The following DUSP11 variants were observed in gnomAD, a reference collection of about 807,000 sequenced individuals.
DUSP11 encodes dual specificity phosphatase 11.
Under a neutral mutation model 41.4 loss-of-function variants are expected in DUSP11, and 27 were observed. That is an observed-to-expected ratio of 0.65 (90% CI 0.48 to 0.90). DUSP11 has a LOEUF of 0.90. Ranked by LOEUF, DUSP11 falls within the 40% of genes least tolerant of loss-of-function variation. The pLI, the probability that DUSP11 is intolerant of heterozygous loss-of-function variation, is 0.00. For missense variants in DUSP11, 465 were observed against 461.1 expected (o/e 1.01, Z -0.08); for synonymous variants, 188 against 159.3 (o/e 1.18, Z -1.35).
At chr2:73,780,098 C>G in exon 1 of DUSP11, 1 of 1,564,642 alleles carries the variant, frequency 6.4e-7, no homozygotes, top group African/African-American at 1.4e-5. Flanking sequence ...CGCGCTCCAG[C>G]GTCTCGCTAT....
intron 5 of DUSP11, chr2:73,768,491 C>T: frequency 1.0e-6 from 1 of 985,402 alleles, no homozygotes; most frequent in African/African-American, 1.7e-5. Flanking sequence ...CATAACGACA[C>T]ATACTATTTG....
At chr2:73,769,921 T>C (rs1672539466) in intron 4 of DUSP11, among the ~76,000 whole-genome samples, 1 of 152,188 alleles carries the variant, frequency 6.6e-6, no homozygotes, top group African/African-American at 2.4e-5. Flanking sequence ...CTAAGATTTT[T>C]CCCATTACAC....
At chr2:73,768,279 G>T in intron 5 of DUSP11, 1 of 191,828 alleles carries the variant, frequency 5.2e-6, no homozygotes, top group Non-Finnish European at 9.6e-6. Context: ...CCCCTTCTCA[G>T]CACTTGTTGG....
intron 6 of DUSP11, 108 bp downstream of exon 6, chr2:73,767,053 G>C (rs899269022): frequency 7.7e-7 from 1 of 1,301,886 alleles, no homozygotes; most frequent in Admixed American, 1.8e-5. Context: ...TCTTATATTG[G>C]AACAAACGAA....
intron 8 of DUSP11, among the ~76,000 whole-genome samples, chr2:73,765,382 G>T (rs1672442076): frequency 6.6e-6 from 1 of 152,196 alleles, no homozygotes; most frequent in African/African-American, 2.4e-5. Context: ...TTCAGCCTTG[G>T]ATTGAGAGTT....
chr2:73,778,345 T>C lies in DUSP11; in HGVS notation c.274A>G (p.Met92Val), dbSNP rs781502977. 3.2e-6 allele frequency: 5 copies of C among 1,553,042 alleles called. No individual in the cohort carries two copies. In the East Asian group the frequency reaches 1.2e-4, roughly 39 times the overall value. ...AAAGCAATGAAACGAGTCCCAGGCA[T>C]CCGCTGTCCAACTGGGAGATAGTCT... is the stretch of plus-strand genomic sequence containing the variant. The change falls in exon 2 of 9, where the codon ATG becomes GTG. Residue 92 changes from methionine (M) to valine (V), a missense_variant. By Grantham distance (21) the Met-to-Val change is conservative (BLOSUM62 1). Transcript: ENST00000272444.
At position 73,774,840 on chromosome 2, in the gene DUSP11, G is replaced by A; in HGVS notation, c.450+73C>T. ...GCCAAGCTTCACATTAGCACAAGAT[G>A]ATTACTGAATTACTATAAATTATTT... is the stretch of plus-strand genomic sequence containing the variant. On this transcript the variant is annotated intron_variant, in intron 3 of 8. Transcript: ENST00000272444. The A allele has an allele frequency of 2.3e-6, 3 of 1,297,836 alleles. No individual in the cohort carries two copies. In the South Asian group the frequency reaches 5.7e-5, roughly 25 times the overall value. The allele number at this position is 1,297,836 out of a possible 1,614,324, so 80.4% of individuals were successfully genotyped here.
intron 1 of DUSP11, among the ~76,000 whole-genome samples, chr2:73,778,939 G>A (rs1405609702): frequency 6.6e-6 from 1 of 152,108 alleles, no homozygotes; most frequent in Non-Finnish European, 1.5e-5. Flanking sequence ...CCTGAGGTCA[G>A]GAGTTCGAGA....
chr2:73,776,510 C>T (rs1347805362), intron 2 of DUSP11, among the ~76,000 whole-genome samples: 3 of 151,870 alleles, frequency 2.0e-5, no homozygotes, highest in African/African-American at 7.3e-5. Context: ...ATGTACTTTG[C>T]CTTCCCCAAC....
At chr2:73,770,950 C>T (rs992874607) in intron 4 of DUSP11, among the ~76,000 whole-genome samples, 2 of 152,208 alleles carry the variant, frequency 1.3e-5, no homozygotes, top group Non-Finnish European at 2.9e-5. Flanking sequence ...TTTGCACCTG[C>T]TGTTCCCTCT....
In DUSP11 at chr2:73,771,608, C is replaced by T. The variant is rs541506408; in HGVS notation, c.574+2192G>A. On this transcript the variant is annotated intron_variant, in intron 4 of 8. Coordinates refer to ENST00000272444, the Ensembl canonical transcript of DUSP11. ...TCCCAGGTTCACGCCATTCCCCTGC[C>T]TCAGCCTCCCGAGTAGCTGGGACTA... Among the ~76,000 whole-genome samples, 3 of 151,638 alleles carry T rather than the reference C, an allele frequency of 2.0e-5. No individual in the cohort carries two copies. The East Asian group carries it at 5.8e-4, about 29-fold the overall frequency.
At chr2:73,780,088 C>T in exon 1 of DUSP11, 3 of 1,572,654 alleles carry the variant, frequency 1.9e-6, no homozygotes, top group East Asian at 2.4e-5. Context: ...CCACCTACGC[C>T]GCGCTCCAGC....
Position 73,772,154 on chromosome 2 carries a change from T to G in DUSP11, c.574+1646A>C, listed in dbSNP as rs139672124. Among the ~76,000 whole-genome samples, 658 of 152,322 alleles carry G rather than the reference T, an allele frequency of 4.3e-3. 7 individuals carry two copies. The highest frequency in any genetic ancestry group is 0.015 in the African/African-American group (632 of 41,574). On this transcript the variant is annotated intron_variant, in intron 4 of 8. Transcript: ENST00000272444. Reference sequence around the variant, plus strand: ...TCTTAAACCACATGCACTACATATTTATTTTCCTAGATAACTGTGAACTGC... The same window carrying G: ...TCTTAAACCACATGCACTACATATTGATTTTCCTAGATAACTGTGAACTGC...
At chr2:73,779,895 C>A in exon 1 of DUSP11, 2 of 1,614,214 alleles carry the variant, frequency 1.2e-6, no homozygotes, top group Non-Finnish European at 1.7e-6. Context: ...GTGGTTTCCG[C>A]CCTTCTTCTT....
rs1802054 is a variant in DUSP11, at chr2:73,774,929, C to T, written c.434G>A (p.Arg145His). 6.3e-6 allele frequency: 10 copies of T among 1,594,076 alleles called. No individual in the cohort carries two copies. Among genetic ancestry groups the T allele is most frequent in the South Asian group, 4.6e-5 (4 of 87,454 alleles). ...TCCACTTACCTCTGGTTTATAATAGCGTTGAGTATATGTTAAATCAATAAT... is the reference window on the plus strand; with the variant it reads ...TCCACTTACCTCTGGTTTATAATAGTGTTGAGTATATGTTAAATCAATAAT... Residue 145 changes from arginine to histidine, a missense_variant, in exon 3 of 9, where the codon CGC becomes CAC. Arg to His is a conservative substitution (Grantham distance 29). Transcript: ENST00000272444.
chr2:73,772,901 A>G (rs895093878), intron 4 of DUSP11, among the ~76,000 whole-genome samples: 2 of 152,110 alleles, frequency 1.3e-5, no homozygotes, highest in East Asian at 1.9e-4. Flanking sequence ...ACTCCATCAC[A>G]TTTTTTAAAA....
At chr2:73,776,543 C>T (rs1317714856) in intron 2 of DUSP11, among the ~76,000 whole-genome samples, 1 of 152,074 alleles carries the variant, frequency 6.6e-6, no homozygotes, top group Non-Finnish European at 1.5e-5. Context: ...CCCCACTATC[C>T]ACATTCCATA....
At chr2:73,775,311 T>A (rs1014927500) in intron 2 of DUSP11, among the ~76,000 whole-genome samples, 2 of 152,118 alleles carry the variant, frequency 1.3e-5, no homozygotes, top group African/African-American at 4.8e-5. Flanking sequence ...TATTCACCAC[T>A]GTATCTCCAG....
At chr2:73,763,404 C>T (rs977041338) in intron 8 of DUSP11, among the ~76,000 whole-genome samples, 1 of 152,156 alleles carries the variant, frequency 6.6e-6, no homozygotes, top group Non-Finnish European at 1.5e-5. Context: ...AAAAGCAAGA[C>T]CAGAAAATCT....
Sources: allele counts gnomAD v4.1 joint callset (sites outside exome capture counted in the v4.1 genomes callset), GRCh38; gene constraint gnomAD v4.1.1; transcripts MANE v1.5; gene names NCBI Gene and HGNC (gene_info 2026-07-23, HGNC 2026-07-21).